The following GNG4 variants were observed in gnomAD, a reference collection of about 807,000 sequenced individuals.
GNG4 encodes guanine nucleotide-binding protein G(I)/G(S)/G(O) subunit gamma-4.
GNG4 carries 4 observed loss-of-function variants against 5.8 expected under a neutral mutation model. The observed-to-expected ratio is 0.69, with a 90% CI of 0.34 to 1.57. The LOEUF (loss-of-function observed/expected upper bound fraction) is 1.57. GNG4 is among the 40% of genes most tolerant of loss of function. The probability of loss-of-function intolerance (pLI) is 0.06; values close to 1 mark genes in which losing one functional copy is unlikely to be tolerated. For missense variants in GNG4, 96 were observed against 95.1 expected (o/e 1.01, Z -0.04); for synonymous variants, 29 against 32.9 (o/e 0.88, Z 0.41).
chr1:235,605,959 G>GA (rs900702381), intron 1 of GNG4, among the ~76,000 whole-genome samples: 5 of 133,514 alleles, frequency 3.7e-5, no homozygotes, highest in Admixed American at 2.9e-4. Flanking sequence ...AGAGTGTGGG[G>GA]GGGTGGGTCT....
intron 1 of GNG4, among the ~76,000 whole-genome samples, chr1:235,611,865 A>G (rs10926245): frequency 0.36 from 55,171 of 151,534 alleles, 13,129 homozygotes; most frequent in African/African-American, 0.67. Context: ...GAGTTCAAGA[A>G]CAGCCGAGGC....
chr1:235,578,844 T>A (rs149499055), intron 3 of GNG4, among the ~76,000 whole-genome samples: 33 of 152,272 alleles, frequency 2.2e-4, no homozygotes, highest in African/African-American at 7.0e-4. Flanking sequence ...AGGCCTGTAA[T>A]CCCAGCACTT....
intron 3 of GNG4, among the ~76,000 whole-genome samples, chr1:235,568,666 G>A (rs1413863120): frequency 1.3e-5 from 2 of 152,142 alleles, no homozygotes; most frequent in African/African-American, 4.8e-5. Context: ...GTGGGGAAGT[G>A]TTGTCCAGAC....
chr1:235,587,783 T>TAA (rs1553367619), intron 2 of GNG4, among the ~76,000 whole-genome samples: 3 of 126,222 alleles, frequency 2.4e-5, no homozygotes, highest in East Asian at 4.6e-4. Context: ...GGTGGGGGTG[T>TAA]GTGTGTGTGT....
chr1:235,621,071 A>T (rs1688701411), intron 1 of GNG4, among the ~76,000 whole-genome samples: 1 of 151,816 alleles, frequency 6.6e-6, no homozygotes, highest in South Asian at 2.1e-4. Flanking sequence ...TCCTACAGGT[A>T]TTTTGTGTCT....
chr1:235,627,581 G>A (rs560896025), intron 1 of GNG4, among the ~76,000 whole-genome samples: 15 of 152,248 alleles, frequency 9.9e-5, no homozygotes, highest in African/African-American at 3.4e-4. Flanking sequence ...TGTCTGGTAC[G>A]GCACAGGGGG....
intron 3 of GNG4, among the ~76,000 whole-genome samples, chr1:235,577,280 T>C (rs1289930791): frequency 1.3e-5 from 2 of 152,160 alleles, no homozygotes; most frequent in Admixed American, 1.3e-4. Flanking sequence ...AAGCCAGCTC[T>C]GTGGGCCTGG....
At position 235,648,898 on chromosome 1, in the gene GNG4, C is replaced by A. The variant is rs1657584314; in HGVS notation, c.-123+764G>T. Reference sequence around the variant, plus strand: ...TCCTAACACCTTAGCCCCAAATACTCGAAATGAAGCAAATCTTAAATTAAG... The same window carrying A: ...TCCTAACACCTTAGCCCCAAATACTAGAAATGAAGCAAATCTTAAATTAAG... On this transcript the variant is annotated intron_variant, in intron 1 of 3. Transcript: ENST00000391854. The surrounding 1 kb of genome is among the most constrained non-coding windows in gnomAD (Gnocchi z 5.0). Among the ~76,000 whole-genome samples, 1 of 152,200 alleles carries A rather than the reference C, an allele frequency of 6.6e-6. No individual in the cohort carries two copies. Among genetic ancestry groups the A allele is most frequent in the South Asian group, 2.1e-4 (1 of 4,826 alleles).
chr1:235,583,784 C>G lies in GNG4; in HGVS notation c.55G>C (p.Ala19Pro). 1 of 1,614,030 alleles carries G rather than the reference C, an allele frequency of 6.2e-7. No homozygotes were observed. The highest frequency in any genetic ancestry group is 8.5e-7 in the Non-Finnish European group (1 of 1,179,910). The change falls in exon 3 of 4, where the codon GCT (alanine) becomes CCT (proline). Residue 19 changes from alanine (A) to proline (P), a missense_variant. By Grantham distance (27) the Ala-to-Pro change is conservative (BLOSUM62 -1). Coordinates refer to ENST00000391854, the MANE Select transcript of GNG4 (RefSeq NM_001098722.2). ...STTSISQARK[A>P]VEQLKMEACM... ...GCTTCCATCTTTAGCTGCTCCACAG[C>G]TTTCCTGGCTTGGGAGATGCTAGTG...
intron 1 of GNG4, among the ~76,000 whole-genome samples, chr1:235,635,861 C>T (rs1369822131): frequency 6.6e-6 from 1 of 152,172 alleles, no homozygotes; most frequent in Non-Finnish European, 1.5e-5. Context: ...ACATGGCAGT[C>T]GCAATTGCTC....
rs1451078208 is a variant in GNG4 at position 235,644,898 on chromosome 1, C to G, written c.-123+4764G>C. 1.3e-5 allele frequency among the ~76,000 whole-genome samples: 2 copies of G among 152,116 alleles called. No homozygotes were observed. Among genetic ancestry groups the G allele is most frequent in the Non-Finnish European group, 2.9e-5 (2 of 68,016 alleles). On this transcript the variant is annotated intron_variant, in intron 1 of 3. Transcript: ENST00000391854. The surrounding 1 kb of genome is among the most constrained non-coding windows in gnomAD (Gnocchi z 5.9). The stretch of plus-strand genomic sequence containing the variant: ...GGGTGTAGCTGGACCTTCCTATAGA[C>G]AGGGAGCCATGGGAAGACAGAGACC...
chr1:235,636,431 C>T (rs1458117848), intron 1 of GNG4, among the ~76,000 whole-genome samples: 2 of 152,124 alleles, frequency 1.3e-5, no homozygotes, highest in African/African-American at 2.4e-5. Context: ...AGGGGAGCCC[C>T]GTGTAGAGGA....
chr1:235,591,706 G>A (rs756897485), intron 2 of GNG4, among the ~76,000 whole-genome samples: 7 of 152,200 alleles, frequency 4.6e-5, no homozygotes, highest in Non-Finnish European at 1.0e-4. Context: ...CTGGCTACCG[G>A]CAACACTGAC....
At position 235,552,004 on chromosome 1, in the gene GNG4, G is replaced by C; in HGVS notation, c.*105C>G. 1 of 903,058 alleles carries C rather than the reference G, an allele frequency of 1.1e-6. No homozygotes were observed. The highest frequency in any genetic ancestry group is 1.8e-6 in the Non-Finnish European group (1 of 571,098). The allele number at this position is 903,058 out of a possible 1,614,324, so 55.9% of individuals were successfully genotyped here. On this transcript the variant is annotated 3_prime_UTR_variant, in exon 4 of 4. Transcript: ENST00000391854. ...AGACAAGCCCCGGCCACTGTTGGCT[G>C]GGCAGGGATGGGTGTTGGTCTCACT...
chr1:235,600,426 GTGTGTGTGTGTGTATA>G (rs1337455891), intron 1 of GNG4, among the ~76,000 whole-genome samples: 2 of 100,582 alleles, frequency 2.0e-5, no homozygotes, highest in Non-Finnish European at 4.3e-5. Context: ...TTGTGTGTGT[GTGTGTGTGTGTGTATA>G]TGTGTGTGTG....
intron 3 of GNG4, among the ~76,000 whole-genome samples, chr1:235,555,787 T>G (rs1686887055): frequency 6.6e-6 from 1 of 152,132 alleles, no homozygotes; most frequent in African/African-American, 2.4e-5. Context: ...CATTATAGAA[T>G]GGCTAAATCA....
At chr1:235,613,012 G>A (rs1035900189) in intron 1 of GNG4, among the ~76,000 whole-genome samples, 1 of 151,882 alleles carries the variant, frequency 6.6e-6, no homozygotes, top group Non-Finnish European at 1.5e-5. Context: ...AAGGGCACAA[G>A]TCCAATTCAT....
chr1:235,599,462 G>A lies in GNG4; in HGVS notation c.-122-3951C>T, dbSNP rs555376480. ...CTCCCGAGTAGCTGGGATTACAGGC[G>A]CGAGCCAACACGCCTGGCTAATTTT... On this transcript the variant is annotated intron_variant, in intron 1 of 3. Coordinates refer to ENST00000391854, the MANE Select transcript of GNG4 (RefSeq NM_001098722.2). 1.1e-4 allele frequency among the ~76,000 whole-genome samples: 16 copies of A among 151,852 alleles called. No individual in the cohort carries two copies. In the East Asian group the frequency reaches 2.1e-3, roughly 20 times the overall value.
intron 1 of GNG4, among the ~76,000 whole-genome samples, chr1:235,620,934 C>T (rs1688699592): frequency 6.6e-6 from 1 of 152,188 alleles, no homozygotes; most frequent in African/African-American, 2.4e-5. Flanking sequence ...CAACCTCTTT[C>T]TGGATGGACC....
Sources: gnomAD v4.1 joint callset for allele counts (sites outside exome capture counted in the v4.1 genomes callset) on GRCh38, gnomAD v4.1.1 for gene constraint, Gnocchi (gnomAD v3.1) non-coding constraint, MANE v1.5 for transcripts, NCBI Gene and HGNC (gene_info 2026-07-23, HGNC 2026-07-21) for gene names.